The following CIMAP3 variants were observed in gnomAD, a reference collection of about 807,000 sequenced individuals.
The protein encoded by CIMAP3 is ciliary microtubule associated protein 3.
At chr1:111,346,519 G>A in the CIMAP3 span, 3 of 1,434,046 alleles carry the variant, frequency 2.1e-6, no homozygotes, top group Non-Finnish European at 2.8e-6. Context: ...TAGTGGCTCG[G>A]TGGACGCCCC....
At chr1:111,329,516 C>CATATATATATATAT in the CIMAP3 span, among the ~76,000 whole-genome samples, 61 of 106,240 alleles carry the variant, frequency 5.7e-4, no homozygotes, top group Admixed American at 1.5e-3. Context: ...CACATAAACC[C>CATATATATATATAT]ATATATATAT....
the CIMAP3 span, among the ~76,000 whole-genome samples, chr1:111,330,023 G>GTTTTTCA: frequency 1 from 151,706 of 152,308 alleles, 75,553 homozygotes; most frequent in East Asian, 1. Context: ...CTTGTATTGT[G>GTTTTTCA]GATCTGTCAG....
At chr1:111,351,336 A>G in the CIMAP3 span, 459,416 of 1,559,610 alleles carry the variant, frequency 0.29, 69,271 homozygotes, top group South Asian at 0.37. Flanking sequence ...GAGCGGCTGT[A>G]ACTACCTTCA....
chr1:111,324,862 C>T, the CIMAP3 span: 3 of 985,130 alleles, frequency 3.0e-6, no homozygotes, highest in Admixed American at 1.8e-4. Context: ...ATGGATCAGA[C>T]AGCCATACAT....
the CIMAP3 span, chr1:111,348,400 A>T: frequency 6.2e-6 from 7 of 1,133,972 alleles, no homozygotes; most frequent in Non-Finnish European, 8.5e-6. Flanking sequence ...AGGTGGCTGA[A>T]CCATAGCTGA....
chr1:111,345,848 T>C, the CIMAP3 span, among the ~76,000 whole-genome samples: 1 of 152,198 alleles, frequency 6.6e-6, no homozygotes, highest in African/African-American at 2.4e-5. Context: ...TCGGTTATTA[T>C]TATCTTCAGT....
chr1:111,348,511 A>C, the CIMAP3 span: 2 of 1,593,574 alleles, frequency 1.3e-6, no homozygotes, highest in Non-Finnish European at 1.7e-6. Context: ...TTTTCTTGGA[A>C]ACAGGAAATG....
chr1:111,347,723 GAT>G, the CIMAP3 span: 1 of 1,613,174 alleles, frequency 6.2e-7, no homozygotes, highest in Non-Finnish European at 8.5e-7. Context: ...AGTATAAAAG[GAT>G]ATACTTTGGG....
At chr1:111,350,333 C>T in the CIMAP3 span, 1 of 850,024 alleles carries the variant, frequency 1.2e-6, no homozygotes, top group Non-Finnish European at 1.8e-6. Flanking sequence ...AGTCCTTGGT[C>T]CCAAAAAATT....
At chr1:111,345,408 G>A in the CIMAP3 span, among the ~76,000 whole-genome samples, 1 of 152,096 alleles carries the variant, frequency 6.6e-6, no homozygotes, top group East Asian at 1.9e-4. Flanking sequence ...TTTTTGTAGA[G>A]TCCAACAGGA....
chr1:111,337,418 T>G, the CIMAP3 span, among the ~76,000 whole-genome samples: 1 of 151,798 alleles, frequency 6.6e-6, no homozygotes, highest in African/African-American at 2.4e-5. Context: ...GGATAAAGAG[T>G]CAAGACCCAT....
At chr1:111,330,115 T>C in the CIMAP3 span, among the ~76,000 whole-genome samples, 2 of 152,200 alleles carry the variant, frequency 1.3e-5, no homozygotes, top group African/African-American at 4.8e-5. Flanking sequence ...TTTTCCTGGA[T>C]TGGGTTTTGC....
the CIMAP3 span, among the ~76,000 whole-genome samples, chr1:111,335,365 G>C: frequency 1.3e-5 from 2 of 152,088 alleles, no homozygotes; most frequent in African/African-American, 4.8e-5. Context: ...AGTGGGTGCA[G>C]CACACTGTGC....
At chr1:111,343,480 T>C in the CIMAP3 span, among the ~76,000 whole-genome samples, 4 of 152,240 alleles carry the variant, frequency 2.6e-5, no homozygotes, top group African/African-American at 9.6e-5. Context: ...AACTACTGAA[T>C]TCTTAAGGTC....
At chr1:111,336,603 G>T in the CIMAP3 span, among the ~76,000 whole-genome samples, 2 of 152,158 alleles carry the variant, frequency 1.3e-5, no homozygotes, top group Non-Finnish European at 2.9e-5. Context: ...TATCAGCAAT[G>T]GAAGATGAAA....
At chr1:111,339,513 G>C in the CIMAP3 span, among the ~76,000 whole-genome samples, 2 of 151,014 alleles carry the variant, frequency 1.3e-5, no homozygotes, top group Non-Finnish European at 3.0e-5. Flanking sequence ...AAAGTCTCAG[G>C]ATACAAAATC....
the CIMAP3 span, among the ~76,000 whole-genome samples, chr1:111,341,439 C>A: frequency 2.0e-4 from 31 of 151,988 alleles, no homozygotes; most frequent in Admixed American, 3.3e-4. Context: ...GAACTTTGTT[C>A]CAGAAGGAGA....
chr1:111,336,709 A>C, the CIMAP3 span, among the ~76,000 whole-genome samples: 1 of 152,364 alleles, frequency 6.6e-6, no homozygotes, highest in Middle Eastern at 3.4e-3. Flanking sequence ...AAAAGACCGA[A>C]TCTTCGTCTG....
chr1:111,347,940 A>G, the CIMAP3 span, among the ~76,000 whole-genome samples: 2 of 152,258 alleles, frequency 1.3e-5, no homozygotes, highest in Non-Finnish European at 2.9e-5. Context: ...AAGCTTGGGC[A>G]TTAACATTGC....
Sources: allele counts gnomAD v4.1 joint callset (sites outside exome capture counted in the v4.1 genomes callset), GRCh38; gene constraint gnomAD v4.1.1; transcripts MANE v1.5; gene names NCBI Gene and HGNC (gene_info 2026-07-23, HGNC 2026-07-21).